RAB3IP: variants seen among roughly 807,000 people sequenced by gnomAD.
RAB3IP encodes the protein RAB3A interacting protein.
RAB3IP carries 36 observed loss-of-function variants against 59.1 expected under a neutral mutation model. The ratio of observed to expected loss-of-function variants is 0.61; its 90% confidence interval spans 0.47 to 0.80. RAB3IP has a LOEUF of 0.80. Ranked by LOEUF, RAB3IP falls within the 30% of genes least tolerant of loss-of-function variation. The pLI, the probability that RAB3IP is intolerant of heterozygous loss-of-function variation, is 0.00. For synonymous variants in RAB3IP, 207 were observed against 191.2 expected (o/e 1.08, Z -0.68); for missense variants, 511 against 536.0 (o/e 0.95, Z 0.46).
chr12:69,750,231 C>A (rs1011038783), intron 1 of RAB3IP, among the ~76,000 whole-genome samples: 1 of 152,272 alleles, frequency 6.6e-6, no homozygotes, highest in East Asian at 1.9e-4. Context: ...GCCACCTTAA[C>A]TTCCTGTGAG....
intron 1 of RAB3IP, among the ~76,000 whole-genome samples, chr12:69,741,355 C>G (rs1008232177): frequency 6.6e-6 from 1 of 152,110 alleles, no homozygotes; most frequent in African/African-American, 2.4e-5. Flanking sequence ...GTGACAGAGC[C>G]GGTATTAAAA....
intron 8 of RAB3IP, among the ~76,000 whole-genome samples, chr12:69,804,257 G>GA (rs1333519950): frequency 6.6e-6 from 1 of 152,180 alleles, no homozygotes; most frequent in Non-Finnish European, 1.5e-5. Flanking sequence ...CAGTGATGAT[G>GA]AGCATTTTTT....
chr12:69,739,967 T>G, intron 1 of RAB3IP: 1 of 1,139,096 alleles, frequency 8.8e-7, no homozygotes, highest in African/African-American at 1.5e-5. Context: ...AGGCTACCTG[T>G]TATACACTCT....
chr12:69,814,259 T>C lies in RAB3IP; in HGVS notation c.1301-1105T>C, dbSNP rs185044100. 2.6e-4 allele frequency among the ~76,000 whole-genome samples: 40 copies of C among 152,234 alleles called. No homozygotes were observed. The East Asian group carries it at 4.8e-3, about 18-fold the overall frequency. ...AGAAAGATAATTTACTTTATGAAAA[T>C]AGGAAGAAAGTGTTACGAGTAATGA... On this transcript the variant is annotated intron_variant, in intron 10 of 10. Coordinates refer to ENST00000247833, the MANE Select transcript of RAB3IP (RefSeq NM_022456.5).
chr12:69,813,063 T>C, intron 10 of RAB3IP, 30 bp downstream of exon 10: 3 of 1,526,160 alleles, frequency 2.0e-6, no homozygotes, highest in Non-Finnish European at 2.7e-6. Flanking sequence ...TATAAGTCTT[T>C]ACATAAAAGT....
rs1881835109 is a variant in RAB3IP at position 69,822,322 on chromosome 12, C to G, written c.*6876C>G. ...CTGGATTTTGCAGTAGCTTCTTAAA[C>G]TGCTTAAACTTTGGATATTGCCCCA... is the stretch of plus-strand genomic sequence containing the variant. On this transcript the variant is annotated 3_prime_UTR_variant, in exon 11 of 11. Transcript: ENST00000247833. 6.6e-6 allele frequency: 1 copy of G among 152,132 alleles called. No homozygotes were observed. 9.4% of individuals were successfully genotyped at this position (152,132 alleles called of 1,614,324 possible).
chr12:69,807,985 G>C (rs574710044), intron 8 of RAB3IP, among the ~76,000 whole-genome samples: 78 of 152,322 alleles, frequency 5.1e-4, no homozygotes, highest in African/African-American at 1.9e-3. Flanking sequence ...GTGATGTTAG[G>C]GTGTCAATTT....
At chr12:69,758,709 G>T (rs1374848161) in intron 3 of RAB3IP, among the ~76,000 whole-genome samples, 1 of 133,906 alleles carries the variant, frequency 7.5e-6, no homozygotes. Flanking sequence ...TCTTTACATA[G>T]ATAAACATCA....
chr12:69,740,166 T>A (rs1182387499), intron 1 of RAB3IP, among the ~76,000 whole-genome samples: 4 of 152,106 alleles, frequency 2.6e-5, no homozygotes, highest in African/African-American at 9.7e-5. Flanking sequence ...TCATGAAGGT[T>A]TTTTTTTCTT....
At chr12:69,739,835 T>C in intron 1 of RAB3IP, 1 of 1,613,820 alleles carries the variant, frequency 6.2e-7, no homozygotes, top group South Asian at 1.1e-5. Context: ...ATGTGAAGAG[T>C]TGCCGGTTGT....
At chr12:69,784,626 C>T in intron 3 of RAB3IP, 94 bp from the exon 4 acceptor site, 1 of 510,254 alleles carries the variant, frequency 2.0e-6, no homozygotes, top group Non-Finnish European at 3.3e-6. Context: ...TGACAGTATT[C>T]ATATTTTATA....
At chr12:69,747,189 T>C (rs1212607080) in intron 1 of RAB3IP, among the ~76,000 whole-genome samples, 1 of 152,142 alleles carries the variant, frequency 6.6e-6, no homozygotes, top group African/African-American at 2.4e-5. Context: ...ATGATTATAA[T>C]AGTAAGAGCC....
At chr12:69,761,988 G>A (rs1174564521) in intron 3 of RAB3IP, among the ~76,000 whole-genome samples, 4 of 152,172 alleles carry the variant, frequency 2.6e-5, no homozygotes. Context: ...GCTTAGAGAA[G>A]GTACAGCTTC....
rs1877282284 is a variant in RAB3IP at position 69,795,359 on chromosome 12, A to C, written c.888+15A>C. ...ACTGCAAAGAGGTAACTCATCAAGG[A>C]CTGTCCCCTCTGACTCTGTTGATAC... is the stretch of plus-strand genomic sequence containing the variant. On this transcript the variant is annotated intron_variant, in intron 6 of 10. Transcript: ENST00000247833. 4 of 1,595,658 alleles carry C rather than the reference A, an allele frequency of 2.5e-6. No homozygotes were observed. Among genetic ancestry groups the C allele is most frequent in the Non-Finnish European group, 3.4e-6 (4 of 1,163,922 alleles).
intron 4 of RAB3IP, among the ~76,000 whole-genome samples, chr12:69,791,455 G>A (rs73132910): frequency 0.13 from 19,664 of 152,008 alleles, 1,826 homozygotes; most frequent in East Asian, 0.4. Flanking sequence ...AATATCCAAA[G>A]TATATAAGGC....
At chr12:69,749,211 C>A (rs1027148265) in intron 1 of RAB3IP, among the ~76,000 whole-genome samples, 1 of 152,196 alleles carries the variant, frequency 6.6e-6, no homozygotes, top group Non-Finnish European at 1.5e-5. Flanking sequence ...CCTGTCAGAT[C>A]AGCAAGCTGC....
At chr12:69,797,437 A>G (rs1369582118) in intron 6 of RAB3IP, among the ~76,000 whole-genome samples, 1 of 134,326 alleles carries the variant, frequency 7.4e-6, no homozygotes, top group Non-Finnish European at 1.6e-5. Context: ...TTAGAATACC[A>G]CTTACCTGCT....
At position 69,740,658 on chromosome 12, in the gene RAB3IP, A is replaced by G. The variant is rs12826681; in HGVS notation, c.-26+1627A>G. Among the ~76,000 whole-genome samples the G allele has an allele frequency of 4.9e-3, 740 of 152,282 alleles. 3 individuals carry two copies. Among genetic ancestry groups the G allele is most frequent in the Non-Finnish European group, 8.0e-3 (541 of 68,004 alleles). On this transcript the variant is annotated intron_variant, in intron 1 of 10. Coordinates refer to ENST00000247833, the MANE Select transcript of RAB3IP (RefSeq NM_022456.5). ...GGGATTTCTGAATAGATCCTATTGT[A>G]CTTTTTGAATTAGTGCAGTTATCCA...
chr12:69,797,358 C>T (rs187051003), intron 6 of RAB3IP, among the ~76,000 whole-genome samples: 35 of 152,068 alleles, frequency 2.3e-4, no homozygotes, highest in African/African-American at 6.3e-4. Flanking sequence ...AAAGTGCTTA[C>T]GGTGGTTCCT....
Sources: gnomAD v4.1 joint callset for allele counts (sites outside exome capture counted in the v4.1 genomes callset) on GRCh38, gnomAD v4.1.1 for gene constraint, MANE v1.5 for transcripts, NCBI Gene and HGNC (gene_info 2026-07-23, HGNC 2026-07-21) for gene names.